Variants in ELFN2 observed in about 807,000 individuals in gnomAD.
ELFN2 encodes protein phosphatase 1 regulatory subunit 29.
In ELFN2, 17 loss-of-function variants were observed where a neutral mutation model predicts 45.5. The observed-to-expected ratio is 0.37, with a 90% confidence interval of 0.26 to 0.56. The LOEUF (loss-of-function observed/expected upper bound fraction) is 0.56. Among genes scored for constraint, ELFN2 ranks in the 20% least tolerant of loss-of-function variants. The probability of loss-of-function intolerance (pLI) is 0.77; values close to 1 mark genes in which losing one functional copy is unlikely to be tolerated. For missense variants in ELFN2, 922 were observed against 1,183.2 expected, an observed-to-expected ratio of 0.78 and a Z score of 3.24; for synonymous variants, 550 against 551.5, an observed-to-expected ratio of 1.00 and a Z score of 0.04.
chr22:37,380,151 G>A (rs931085920), intron 2 of ELFN2, among the ~76,000 whole-genome samples: 4 of 152,334 alleles, frequency 2.6e-5, no homozygotes, highest in East Asian at 1.9e-4. Flanking sequence ...CCCCGGACCC[G>A]GGGAGAGCCC....
At position 37,395,029 on chromosome 22, in the gene ELFN2, C is replaced by T. The variant is rs192882945; in HGVS notation, c.-462-19033G>A. On this transcript the variant is annotated intron_variant, in intron 2 of 2. Transcript: ENST00000402918. ...GAGAGGCAGGAGAATCACTTGAACC[C>T]AGGAGGCAGAGGTTGCAGTGGGCCA... Among the ~76,000 whole-genome samples the T allele has an allele frequency of 1.6e-3, 241 of 152,048 alleles. 7 individuals carry two copies. The East Asian group carries it at 0.043, about 27-fold the overall frequency.
At chr22:37,416,239 G>T (rs895188082) in intron 2 of ELFN2, among the ~76,000 whole-genome samples, 2 of 152,164 alleles carry the variant, frequency 1.3e-5, no homozygotes, top group African/African-American at 4.8e-5. Context: ...CTGGGGACTG[G>T]GGGGAGAGAG....
intron 2 of ELFN2, among the ~76,000 whole-genome samples, chr22:37,386,626 G>A (rs1197454579): frequency 6.6e-6 from 1 of 152,222 alleles, no homozygotes; most frequent in Non-Finnish European, 1.5e-5. Context: ...GCTACGGGGG[G>A]CCTGCAGCTG....
chr22:37,355,721 C>T (rs192077607), intron 1 of ELFN2, among the ~76,000 whole-genome samples: 6 of 152,272 alleles, frequency 3.9e-5, no homozygotes, highest in Non-Finnish European at 7.4e-5. Context: ...GAGTGCAGTC[C>T]GTGGCCGGGG....
At position 37,373,692 on chromosome 22, in the gene ELFN2, G is replaced by A; in HGVS notation, c.1843C>T (p.Gln615Ter). The A allele has an allele frequency of 6.4e-7, 1 of 1,562,250 alleles. No homozygotes were observed. The highest frequency in any genetic ancestry group is 8.6e-7 in the Non-Finnish European group (1 of 1,158,418). ...PYKESSHHPLQRQLSADAAVT... is the reference protein window; with the variant it reads ...PYKESSHHPL ...GCCGCGTCGGCGCTCAGCTGGCGCT[G>A]TAGTGGGTGGTGGGAGCTCTCCTTG... The change falls in exon 3 of 3, where the codon CAG becomes TAG. Residue 615 changes from glutamine (Q) to a stop codon, truncating the protein, a stop_gained. Transcript: ENST00000402918. LOFTEE classifies it high-confidence loss of function.
chr22:37,388,391 G>A (rs531097403), intron 2 of ELFN2, among the ~76,000 whole-genome samples: 5 of 152,248 alleles, frequency 3.3e-5, no homozygotes, highest in South Asian at 4.1e-4. Context: ...TGAGTTCCCC[G>A]AGGAAGGGTC....
intron 2 of ELFN2, among the ~76,000 whole-genome samples, chr22:37,404,432 G>T (rs1368941613): frequency 6.6e-6 from 1 of 152,054 alleles, no homozygotes; most frequent in Non-Finnish European, 1.5e-5. Flanking sequence ...ATGCCACCCA[G>T]GGTCTGGGTG....
At chr22:37,358,471 G>C (rs545898920) in intron 1 of ELFN2, among the ~76,000 whole-genome samples, 1 of 152,342 alleles carries the variant, frequency 6.6e-6, no homozygotes, top group East Asian at 1.9e-4. Context: ...ACATCTCAAT[G>C]TTTCACAGAG....
At chr22:37,377,328 C>A (rs979279019) in intron 2 of ELFN2, among the ~76,000 whole-genome samples, 1 of 152,218 alleles carries the variant, frequency 6.6e-6, no homozygotes, top group Non-Finnish European at 1.5e-5. Context: ...CAGCCCAGTT[C>A]TCCCTCCCTC....
At chr22:37,382,082 G>A (rs1361698045) in intron 2 of ELFN2, among the ~76,000 whole-genome samples, 1 of 150,640 alleles carries the variant, frequency 6.6e-6, no homozygotes, top group Non-Finnish European at 1.5e-5. Context: ...TTAGTTTCAC[G>A]GCCGTCCTTA....
At chr22:37,398,921 C>G (rs945292449) in intron 2 of ELFN2, among the ~76,000 whole-genome samples, 6 of 152,128 alleles carry the variant, frequency 3.9e-5, no homozygotes, top group African/African-American at 1.2e-4. Context: ...AGAAACACCC[C>G]CTGTAATTCC....
intron 2 of ELFN2, among the ~76,000 whole-genome samples, chr22:37,415,434 G>A (rs1932750312): frequency 6.6e-6 from 1 of 152,190 alleles, no homozygotes; most frequent in South Asian, 2.1e-4. Flanking sequence ...GGGCAGGCAG[G>A]AGAGGAGCAC....
chr22:37,403,661 GGAAAAGGCA>G (rs1245179096), intron 2 of ELFN2, among the ~76,000 whole-genome samples: 1 of 152,204 alleles, frequency 6.6e-6, no homozygotes. Context: ...CCCCACCACA[GGAAAAGGCA>G]GAAAAGGCAG....
intron 1 of ELFN2, among the ~76,000 whole-genome samples, chr22:37,421,622 G>T (rs1227518741): frequency 6.6e-6 from 1 of 152,204 alleles, no homozygotes; most frequent in Non-Finnish European, 1.5e-5. Flanking sequence ...GGGGGTTCCT[G>T]CCTGAGCCCC....
intron 2 of ELFN2, among the ~76,000 whole-genome samples, chr22:37,400,067 C>A (rs533904028): frequency 2.6e-5 from 4 of 152,162 alleles, no homozygotes; most frequent in Non-Finnish European, 5.9e-5. Flanking sequence ...AAGCCCTCCA[C>A]GTCCCCAGCC....
In ELFN2 at chr22:37,373,790, G is replaced by T; in HGVS notation, c.1745C>A (p.Pro582His). The stretch of plus-strand genomic sequence containing the variant: ...GGCTGAGGAGGCGGCAGCAGCTGCA[G>T]GGAGGGACTGGCACTCGAAGGCCAG... ...PELAFECQSL[P>H]AAAAASSATG... is the part of the protein sequence containing the mutation. Residue 582 changes from proline to histidine, a missense_variant, in exon 3 of 3, where the codon CCT (proline) becomes CAT (histidine). By Grantham distance (77) the Pro-to-His change is moderately conservative (BLOSUM62 -2). Around this residue, in one of 2 missense-constraint regions of ELFN2, gnomAD observed 564 missense variants for 642.8 expected, o/e 0.88. Coordinates refer to ENST00000402918, the MANE Select transcript of ELFN2 (RefSeq NM_052906.5). 6.2e-7 allele frequency: 1 copy of T among 1,609,344 alleles called. No homozygotes were observed. Among genetic ancestry groups the T allele is most frequent in the African/African-American group, 1.3e-5 (1 of 74,894 alleles).
Position 37,373,336 on chromosome 22 carries a change from C to T in ELFN2, c.2199G>A (p.Pro733=), listed in dbSNP as rs745456971. 20 of 1,613,392 alleles carry T rather than the reference C, an allele frequency of 1.2e-5. No individual in the cohort carries two copies. The highest frequency in any genetic ancestry group is 2.2e-5 in the East Asian group (1 of 44,884). The change falls in exon 3 of 3, where the codon CCG becomes CCA. Residue 733 remains proline, a synonymous_variant. Coordinates refer to ENST00000402918, the MANE Select transcript of ELFN2 (RefSeq NM_052906.5). ...SLSQRVSFLK[P]LTRSKRDSTY... is the part of the protein sequence containing the mutation. ...TGGAGTCACGCTTGGAGCGGGTCAG[C>T]GGCTTGAGGAAGGACACGCGCTGGC...
At chr22:37,380,884 C>T (rs1931741027) in intron 2 of ELFN2, among the ~76,000 whole-genome samples, 1 of 152,178 alleles carries the variant, frequency 6.6e-6, no homozygotes, top group African/African-American at 2.4e-5. Context: ...CTTGGAGCTC[C>T]CTTGTCATGG....
chr22:37,406,379 A>C (rs1175556710), intron 2 of ELFN2, among the ~76,000 whole-genome samples: 1 of 152,170 alleles, frequency 6.6e-6, no homozygotes, highest in Non-Finnish European at 1.5e-5. Context: ...GGTGCCTGTC[A>C]GCTCAATCAC....
Sources: gnomAD v4.1 joint callset for allele counts (sites outside exome capture counted in the v4.1 genomes callset) on GRCh38, gnomAD v4.1.1 for gene constraint, gnomAD v4.1.1 regional missense constraint, MANE v1.5 for transcripts, NCBI Gene and HGNC (gene_info 2026-07-23, HGNC 2026-07-21) for gene names.